SEMA3A: variants seen among roughly 807,000 people sequenced by gnomAD.
The protein encoded by SEMA3A is semaphorin 3A, also known as semaphorin-3A.
A neutral mutation model predicts 97.9 loss-of-function variants in SEMA3A; 29 were observed. That is an observed-to-expected ratio of 0.30 (90% CI 0.22 to 0.40). The LOEUF is 0.40. Among genes scored for constraint, SEMA3A ranks in the 10% least tolerant of loss-of-function variants. The probability of loss-of-function intolerance (pLI) is 1.00; values close to 1 mark genes in which losing one functional copy is unlikely to be tolerated. For missense variants in SEMA3A, 763 were observed against 951.3 expected (o/e 0.80, Z 2.60); for synonymous variants, 321 against 323.7 (o/e 0.99, Z 0.09).
At chr7:84,282,125 TG>T (rs1422639038) in intron 3 of SEMA3A, among the ~76,000 whole-genome samples, 1 of 152,170 alleles carries the variant, frequency 6.6e-6, no homozygotes, top group East Asian at 1.9e-4. Context: ...CCACCATCTG[TG>T]CATATGTCAC....
intron 2 of SEMA3A, among the ~76,000 whole-genome samples, chr7:84,363,613 G>A (rs62472624): frequency 1.3e-5 from 2 of 151,856 alleles, no homozygotes; most frequent in Admixed American, 6.6e-5. Context: ...TGTGGAATTG[G>A]CCTATTGTGA....
rs146677471 is a variant in SEMA3A, at chr7:84,473,778, C to T, written c.-246+18682G>A. ...CTAACAAAAACATTTTAAATAATGA[C>T]TAGGAGCCTCAAAATTATAGAAATA... On this transcript the variant is annotated intron_variant, in intron 1 of 3. Transcript: ENST00000424555. Among the ~76,000 whole-genome samples, 1,190 of 152,222 alleles carry T rather than the reference C, an allele frequency of 7.8e-3. 10 individuals are homozygous for T. Among genetic ancestry groups the T allele is most frequent in the South Asian group, 0.014 (66 of 4,828 alleles).
intron 6 of SEMA3A, among the ~76,000 whole-genome samples, chr7:84,020,378 G>T (rs950102288): frequency 2.0e-5 from 3 of 151,026 alleles, no homozygotes; most frequent in African/African-American, 7.3e-5. Context: ...TTCTCTTTGA[G>T]AACATATATT....
At position 83,958,769 on chromosome 7, in the gene SEMA3A, ATTTACAT is replaced by A. The variant is rs1406899284; in HGVS notation, c.*2595_*2601del. ...TAAAATGAAGTGTGCATTTACATGC[ATTTACAT>A]TTTACATTTGATATCAACTGGGCCA... On this transcript the variant is annotated 3_prime_UTR_variant, in exon 17 of 17. Transcript: ENST00000265362. 2.0e-5 allele frequency: 3 copies of A among 152,538 alleles called. No homozygotes were observed. Among genetic ancestry groups the A allele is most frequent in the Admixed American group, 6.6e-5 (1 of 15,252 alleles). The allele number at this position is 152,538 out of a possible 1,614,324, so 9.4% of individuals were successfully genotyped here.
intron 12 of SEMA3A, among the ~76,000 whole-genome samples, chr7:83,997,987 C>T (rs185163061): frequency 9.1e-4 from 138 of 152,076 alleles, no homozygotes; most frequent in African/African-American, 3.1e-3. Flanking sequence ...TCGCATGCCT[C>T]GGCCTCCCAA....
chr7:84,067,045 A>G (rs1793534346), intron 4 of SEMA3A, among the ~76,000 whole-genome samples: 1 of 152,156 alleles, frequency 6.6e-6, no homozygotes, highest in Non-Finnish European at 1.5e-5. Context: ...CAGTAACCAA[A>G]ACAGCATGGT....
chr7:84,468,795 T>C (rs1461778861), intron 1 of SEMA3A, among the ~76,000 whole-genome samples: 4 of 152,042 alleles, frequency 2.6e-5, no homozygotes, highest in Non-Finnish European at 4.4e-5. Flanking sequence ...ATTAGATTTA[T>C]ATCAAGAATA....
rs1330361137 is a variant in SEMA3A at position 84,246,478 on chromosome 7, A to T, written c.-82-51810T>A. On this transcript the variant is annotated intron_variant, in intron 3 of 3. Coordinates refer to the SEMA3A transcript ENST00000424555. The stretch of plus-strand genomic sequence containing the variant: ...GATTAATAATTTCAATATATAAAAA[A>T]TGACTAACACCCCCAAATTAAAATA... Among the ~76,000 whole-genome samples the T allele has an allele frequency of 3.3e-5, 5 of 152,324 alleles. No individual in the cohort carries two copies. The East Asian group carries it at 9.7e-4, about 29-fold the overall frequency.
chr7:84,084,453 T>G (rs967886280), intron 4 of SEMA3A, among the ~76,000 whole-genome samples: 8 of 151,966 alleles, frequency 5.3e-5, no homozygotes, highest in Admixed American at 4.6e-4. Flanking sequence ...TCAAGGAGTA[T>G]TACAAATTTA....
intron 1 of SEMA3A, among the ~76,000 whole-genome samples, chr7:84,439,324 G>C (rs1178586664): frequency 6.6e-6 from 1 of 151,998 alleles, no homozygotes; most frequent in Non-Finnish European, 1.5e-5. Flanking sequence ...GCATGAAAGG[G>C]TTAGGACAAG....
intron 2 of SEMA3A, among the ~76,000 whole-genome samples, chr7:84,350,858 C>T (rs754733949): frequency 2.9e-4 from 44 of 151,980 alleles, no homozygotes; most frequent in Non-Finnish European, 4.3e-4. Flanking sequence ...TTCATGTAAC[C>T]GTTGAAACAT....
chr7:84,165,844 C>G (rs928054933), intron 1 of SEMA3A, among the ~76,000 whole-genome samples: 23 of 152,290 alleles, frequency 1.5e-4, no homozygotes, highest in Middle Eastern at 3.4e-3. Context: ...TGAGCCACCC[C>G]TCCCGGCCTA....
rs757899369 is a variant in SEMA3A at position 84,005,601 on chromosome 7, T to TAAAC, written c.1141-47_1141-44dup. Reference sequence around the variant, plus strand: ...AAATTATCTTTTGATTAAAATCTAATAAACATAATTATAAATTATATAATA... The same window carrying TAAAC: ...AAATTATCTTTTGATTAAAATCTAATAAACAAACATAATTATAAATTATATAATA... On this transcript the variant is annotated intron_variant, in intron 10 of 16. Coordinates refer to ENST00000265362, the MANE Select transcript of SEMA3A (RefSeq NM_006080.3). 6 of 1,267,102 alleles carry TAAAC rather than the reference T, an allele frequency of 4.7e-6. No individual in the cohort carries two copies. In the East Asian group the frequency reaches 1.0e-4, roughly 21 times the overall value. 78.5% of individuals were successfully genotyped at this position (1,267,102 alleles called of 1,614,324 possible).
chr7:84,195,951 T>C (rs1220802386), upstream of SEMA3A, among the ~76,000 whole-genome samples: 1 of 152,224 alleles, frequency 6.6e-6, no homozygotes, highest in Non-Finnish European at 1.5e-5. Flanking sequence ...TAGTTCCTTC[T>C]GAAACAAGTA....
chr7:84,306,023 T>C (rs1584222620), intron 3 of SEMA3A, among the ~76,000 whole-genome samples: 1 of 151,816 alleles, frequency 6.6e-6, no homozygotes. Flanking sequence ...AAGTCATTTT[T>C]GAGGTTTTTA....
intron 3 of SEMA3A, among the ~76,000 whole-genome samples, chr7:84,234,276 C>A (rs1799183622): frequency 6.6e-6 from 1 of 152,032 alleles, no homozygotes; most frequent in African/African-American, 2.4e-5. Flanking sequence ...CTCACCTGAA[C>A]CAAAACCTGA....
chr7:83,961,501 T>G lies in SEMA3A; in HGVS notation c.2186A>C (p.Asp729Ala), dbSNP rs1584480045. Residue 729 changes from aspartate to alanine, a missense_variant, in exon 17 of 17, where the codon GAC (aspartate) becomes GCC (alanine). This residue lies in a region of SEMA3A where 678 missense variants were observed against 881.3 expected (regional missense o/e 0.77). Coordinates refer to ENST00000265362, the MANE Select transcript of SEMA3A (RefSeq NM_006080.3). ...DEFCEQVWKR[D>A]RKQRRQRPGH... ...TGGCCTTTGCCGACGTTGTTTTCGG[T>G]CCCTTTTCCAAACTTGTTCACAGAA... The G allele has an allele frequency of 6.2e-7, 1 of 1,614,082 alleles. No homozygotes were observed. Among genetic ancestry groups the G allele is most frequent in the Non-Finnish European group, 8.5e-7 (1 of 1,179,964 alleles).
intron 1 of SEMA3A, among the ~76,000 whole-genome samples, chr7:84,142,680 G>A (rs144908458): frequency 1.8e-4 from 28 of 152,180 alleles, no homozygotes; most frequent in East Asian, 1.5e-3. Flanking sequence ...TCTGTACTTG[G>A]TGTTTTTACA....
chr7:84,223,398 T>A (rs1209588517), intron 3 of SEMA3A, among the ~76,000 whole-genome samples: 1 of 151,898 alleles, frequency 6.6e-6, no homozygotes, highest in Non-Finnish European at 1.5e-5. Context: ...ATCTGTAATA[T>A]TGTCTTTGTG....
Sources: allele counts gnomAD v4.1 joint callset (sites outside exome capture counted in the v4.1 genomes callset), GRCh38; gene constraint gnomAD v4.1.1; regional missense constraint gnomAD v4.1.1; transcripts MANE v1.5; gene names NCBI Gene and HGNC (gene_info 2026-07-23, HGNC 2026-07-21).